Variants in PRKG1 observed in about 807,000 individuals in gnomAD.
The protein encoded by PRKG1 is cGMP-dependent protein kinase 1.
In PRKG1, 35 loss-of-function variants were observed where a neutral mutation model predicts 88.1. The ratio of observed to expected loss-of-function variants is 0.40; its 90% CI spans 0.30 to 0.53. PRKG1 has a LOEUF of 0.53. PRKG1 is among the 20% of genes least tolerant of loss of function. PRKG1 has a pLI of 0.59. For missense variants in PRKG1, 540 were observed against 839.8 expected, an observed-to-expected ratio of 0.64 and a Z score of 4.41; for synonymous variants, 303 against 292.5, an observed-to-expected ratio of 1.04 and a Z score of -0.37.
At chr10:51,915,497 G>A (rs1475507422) in intron 5 of PRKG1, among the ~76,000 whole-genome samples, 1 of 152,028 alleles carries the variant, frequency 6.6e-6, no homozygotes, top group African/African-American at 2.4e-5. Context: ...CCCTTTTGGG[G>A]AGCAAATTAC....
chr10:51,101,002 G>C (rs947325233), intron 1 of PRKG1, among the ~76,000 whole-genome samples: 3 of 152,128 alleles, frequency 2.0e-5, no homozygotes, highest in Non-Finnish European at 4.4e-5. Flanking sequence ...TTTTCACCAA[G>C]GGAGTCTCTT....
At chr10:51,143,653 A>G (rs1345303995) in intron 1 of PRKG1, among the ~76,000 whole-genome samples, 2 of 151,990 alleles carry the variant, frequency 1.3e-5, no homozygotes, top group Non-Finnish European at 2.9e-5. Flanking sequence ...TGTCTTTTTG[A>G]TAATAGCCAT....
At chr10:52,063,869 T>C (rs1196843912) in intron 7 of PRKG1, among the ~76,000 whole-genome samples, 2 of 152,006 alleles carry the variant, frequency 1.3e-5, no homozygotes, top group Admixed American at 6.6e-5. Flanking sequence ...CTAGAGTGGG[T>C]AGCTCCTCTC....
intron 4 of PRKG1, among the ~76,000 whole-genome samples, chr10:51,847,324 A>G (rs1482797442): frequency 1.3e-5 from 2 of 152,212 alleles, no homozygotes; most frequent in Non-Finnish European, 2.9e-5. Flanking sequence ...CTGAAAGCAA[A>G]TATGCGTATA....
At chr10:51,393,442 C>T (rs1383365036) in intron 2 of PRKG1, among the ~76,000 whole-genome samples, 1 of 152,136 alleles carries the variant, frequency 6.6e-6, no homozygotes, top group East Asian at 1.9e-4. Flanking sequence ...AGACGCTCCT[C>T]ACTTCCCAGA....
At chr10:50,994,467 T>G (rs767285408) in intron 1 of PRKG1, among the ~76,000 whole-genome samples, 4 of 128,412 alleles carry the variant, frequency 3.1e-5, no homozygotes, top group Admixed American at 1.0e-4. Context: ...TGGAGTGGAG[T>G]GGTGCGATCT....
At chr10:51,586,006 A>G (rs1284873074) in intron 3 of PRKG1, among the ~76,000 whole-genome samples, 1 of 152,140 alleles carries the variant, frequency 6.6e-6, no homozygotes, top group Non-Finnish European at 1.5e-5. Flanking sequence ...GACAAGGTTC[A>G]AAAGCTACCT....
chr10:52,289,536 A>C (rs1280014388), intron 16 of PRKG1, among the ~76,000 whole-genome samples: 1 of 152,140 alleles, frequency 6.6e-6, no homozygotes, highest in African/African-American at 2.4e-5. Context: ...CTGACAGGAA[A>C]TTCACATCCT....
chr10:51,984,656 T>G (rs933434278), intron 5 of PRKG1, among the ~76,000 whole-genome samples: 4 of 152,186 alleles, frequency 2.6e-5, no homozygotes, highest in African/African-American at 9.6e-5. Context: ...TTTAGGTATC[T>G]CTGACTGGAA....
intron 3 of PRKG1, among the ~76,000 whole-genome samples, chr10:51,641,741 T>C (rs1381250979): frequency 2.0e-5 from 3 of 152,202 alleles, no homozygotes; most frequent in Admixed American, 6.5e-5. Context: ...CCATCTTTTG[T>C]ACTCATCGCC....
intron 2 of PRKG1, among the ~76,000 whole-genome samples, chr10:51,381,519 T>C (rs1837103876): frequency 6.6e-6 from 1 of 152,024 alleles, no homozygotes; most frequent in African/African-American, 2.4e-5. Flanking sequence ...AGTGCAGAAT[T>C]GAGTCACAGA....
intron 2 of PRKG1, among the ~76,000 whole-genome samples, chr10:51,463,928 G>A (rs1445076979): frequency 6.6e-6 from 1 of 152,158 alleles, no homozygotes; most frequent in Non-Finnish European, 1.5e-5. Flanking sequence ...ACAAAGTACA[G>A]ACACTGTGTT....
At chr10:51,752,717 C>T (rs564816120) in intron 3 of PRKG1, among the ~76,000 whole-genome samples, 4 of 151,972 alleles carry the variant, frequency 2.6e-5, no homozygotes, top group South Asian at 4.2e-4. Flanking sequence ...AGGAGGGGTT[C>T]GAAATGGAAG....
chr10:51,641,513 T>C (rs568508959), intron 3 of PRKG1, among the ~76,000 whole-genome samples: 23 of 152,174 alleles, frequency 1.5e-4, no homozygotes, highest in Non-Finnish European at 3.1e-4. Flanking sequence ...TTGTGCTTTT[T>C]GGACCCCCTA....
intron 1 of PRKG1, among the ~76,000 whole-genome samples, chr10:51,052,123 G>A (rs2666548): frequency 0.035 from 5,277 of 152,188 alleles, 292 homozygotes; most frequent in African/African-American, 0.12. Context: ...AGCACATTTT[G>A]TAAAATTTTA....
At chr10:51,013,591 C>A (rs1001739403) in intron 1 of PRKG1, among the ~76,000 whole-genome samples, 3 of 152,098 alleles carry the variant, frequency 2.0e-5, no homozygotes, top group Non-Finnish European at 4.4e-5. Flanking sequence ...GGGGTTTCAC[C>A]ATGTTAGCCA....
At chr10:51,851,437 A>C (rs1275682519) in intron 4 of PRKG1, among the ~76,000 whole-genome samples, 1 of 152,140 alleles carries the variant, frequency 6.6e-6, no homozygotes, top group African/African-American at 2.4e-5. Context: ...CACACCCCAC[A>C]AAAAAGAATC....
chr10:51,913,133 T>C (rs935494973), intron 5 of PRKG1, among the ~76,000 whole-genome samples: 1 of 152,204 alleles, frequency 6.6e-6, no homozygotes, highest in African/African-American at 2.4e-5. Context: ...TTTGCCATAT[T>C]GGCCAGGCTG....
intron 1 of PRKG1, among the ~76,000 whole-genome samples, chr10:51,111,904 A>G (rs1376699566): frequency 6.6e-6 from 1 of 152,158 alleles, no homozygotes; most frequent in African/African-American, 2.4e-5. Flanking sequence ...GCCACAGTGT[A>G]TGTCAAGAAT....
Sources: gnomAD v4.1 joint callset for allele counts (sites outside exome capture counted in the v4.1 genomes callset) on GRCh38, gnomAD v4.1.1 for gene constraint, MANE v1.5 for transcripts, NCBI Gene and HGNC (gene_info 2026-07-23, HGNC 2026-07-21) for gene names.